Variants in TXNL1 observed in about 807,000 individuals in gnomAD.
TXNL1 encodes the protein thioredoxin like 1, also known as thioredoxin-like protein 1.
TXNL1 carries 14 observed loss-of-function variants against 35.5 expected under a neutral mutation model. The observed-to-expected ratio is 0.39, with a 90% CI of 0.26 to 0.62. The LOEUF is 0.62. Ranked by LOEUF, TXNL1 falls within the 20% of genes least tolerant of loss-of-function variation. TXNL1 has a pLI of 0.47. For synonymous variants in TXNL1, 110 were observed against 115.5 expected (o/e 0.95, Z 0.31); for missense variants, 263 against 349.7 (o/e 0.75, Z 1.98).
Position 56,626,424 on chromosome 18 carries a change from G to A in TXNL1, c.132C>T (p.Phe44=), listed in dbSNP as rs772231229. The A allele has an allele frequency of 2.5e-6, 4 of 1,613,270 alleles. No individual in the cohort carries two copies. The African/African-American group carries it at 5.3e-5, about 22-fold the overall frequency. The change falls in exon 2 of 8, where the codon TTC becomes TTT. Residue 44 remains phenylalanine (F), a synonymous_variant. Transcript: ENST00000217515. ...CGPCLRIAPA[F]SSMSNKYPQA... ...GTGGATATTTATTACTCATAGAACT[G>A]AATGCTGGGGCAATCCTCAAACATG...
At chr18:56,620,062 G>T (rs1266393705) in intron 3 of TXNL1, among the ~76,000 whole-genome samples, 1 of 152,004 alleles carries the variant, frequency 6.6e-6, no homozygotes, top group Non-Finnish European at 1.5e-5. Flanking sequence ...TCCACCTCCC[G>T]GGTTCAAGTG....
At chr18:56,620,682 T>C (rs143389830) in intron 3 of TXNL1, among the ~76,000 whole-genome samples, 80 of 152,366 alleles carry the variant, frequency 5.3e-4, no homozygotes, top group African/African-American at 1.8e-3. Context: ...CCAAGTATTA[T>C]AGATGAGTCA....
chr18:56,626,306 G>C lies in TXNL1; in HGVS notation c.195+55C>G, dbSNP rs768106652. 23 of 1,568,032 alleles carry C rather than the reference G, an allele frequency of 1.5e-5. No individual in the cohort carries two copies. The Admixed American group carries it at 3.4e-4, about 23-fold the overall frequency. ...AGATAAATGAAGAATATTAATGTTGGATTTCAAATTTATTCAAAAGTAAAT... is the reference window on the plus strand; with the variant it reads ...AGATAAATGAAGAATATTAATGTTGCATTTCAAATTTATTCAAAAGTAAAT... On this transcript the variant is annotated intron_variant, in intron 2 of 7. Transcript: ENST00000217515.
At chr18:56,625,087 A>AGTAT (rs2024254469) in intron 2 of TXNL1, among the ~76,000 whole-genome samples, 1 of 152,138 alleles carries the variant, frequency 6.6e-6, no homozygotes, top group South Asian at 2.1e-4. Flanking sequence ...GCTTTTCATG[A>AGTAT]CAAGTATAAA....
chr18:56,637,089 G>C (rs1270127921), intron 1 of TXNL1, among the ~76,000 whole-genome samples: 1 of 152,174 alleles, frequency 6.6e-6, no homozygotes, highest in African/African-American at 2.4e-5. Context: ...CCCACCATAT[G>C]AAATGCAAGG....
Position 56,602,909 on chromosome 18 carries a change from G to T in TXNL1, c.*118C>A. 1 of 1,093,400 alleles carries T rather than the reference G, an allele frequency of 9.1e-7. No individual in the cohort carries two copies. The highest frequency in any genetic ancestry group is 1.4e-6 in the Non-Finnish European group (1 of 720,444). The allele number at this position is 1,093,400 out of a possible 1,614,324, so 67.7% of individuals were successfully genotyped here. ...CACTAGTGATACCATCTGAACAAAA[G>T]CAATGATTTATTGGTAATGGCAATG... On this transcript the variant is annotated 3_prime_UTR_variant, in exon 8 of 8. Coordinates refer to ENST00000217515, the MANE Select transcript of TXNL1 (RefSeq NM_004786.3).
At chr18:56,616,561 T>C (rs1174578036) in intron 4 of TXNL1, among the ~76,000 whole-genome samples, 1 of 152,186 alleles carries the variant, frequency 6.6e-6, no homozygotes, top group African/African-American at 2.4e-5. Flanking sequence ...ACTAAAACTA[T>C]GCATAGGAAT....
chr18:56,624,588 G>A (rs1568106377), intron 2 of TXNL1, 127 bp from the exon 3 acceptor site: 3 of 1,088,238 alleles, frequency 2.8e-6, no homozygotes, highest in African/African-American at 1.6e-5. Flanking sequence ...CTGCATTTTT[G>A]TTATTTAAGG....
intron 7 of TXNL1, 49 bp from the exon 8 acceptor site, chr18:56,603,105 A>G (rs2144271658): frequency 6.8e-7 from 1 of 1,474,470 alleles, no homozygotes; most frequent in East Asian, 2.3e-5. Flanking sequence ...GATTTTAAAT[A>G]TGAGTTATTA....
intron 5 of TXNL1, among the ~76,000 whole-genome samples, chr18:56,614,831 G>C (rs1381058536): frequency 2.0e-5 from 3 of 152,028 alleles, no homozygotes; most frequent in Non-Finnish European, 4.4e-5. Context: ...TAAATATTAG[G>C]AATATAAGAT....
chr18:56,602,712 ACTGGCTTTCAATC>A lies in TXNL1; in HGVS notation c.*302_*314del. 1 of 402,682 alleles carries A rather than the reference ACTGGCTTTCAATC, an allele frequency of 2.5e-6. No homozygotes were observed. Among genetic ancestry groups the A allele is most frequent in the Non-Finnish European group, 4.4e-6 (1 of 226,128 alleles). The allele number at this position is 402,682 out of a possible 1,614,324, so 24.9% of individuals were successfully genotyped here. A position where few individuals can be genotyped will look rare whatever the true frequency, so the allele number is the denominator to read the frequency against. ...GAACAGTTTCTCCTTTTCTAAAGAA[ACTGGCTTTCAATC>A]AATATACTACCAGACACTTAAGTCT... On this transcript the variant is annotated 3_prime_UTR_variant, in exon 8 of 8. Coordinates refer to ENST00000217515, the MANE Select transcript of TXNL1 (RefSeq NM_004786.3).
chr18:56,602,960 A>G lies in TXNL1; in HGVS notation c.*67T>C. Reference sequence around the variant, plus strand: ...AATGAAACATTGACAGTCTCTGGCGAGAATCAAGCAATTATCCAGGAGCTG... The same window carrying G: ...AATGAAACATTGACAGTCTCTGGCGGGAATCAAGCAATTATCCAGGAGCTG... On this transcript the variant is annotated 3_prime_UTR_variant, in exon 8 of 8. Transcript: ENST00000217515. The G allele has an allele frequency of 2.6e-6, 4 of 1,517,150 alleles. No homozygotes were observed. Among genetic ancestry groups the G allele is most frequent in the Non-Finnish European group, 3.7e-6 (4 of 1,092,558 alleles). 94.0% of individuals were successfully genotyped at this position (1,517,150 alleles called of 1,614,324 possible).
chr18:56,626,370 A>T lies in TXNL1; in HGVS notation c.186T>A (p.His62Gln). 6.2e-7 allele frequency: 1 copy of T among 1,612,300 alleles called. No individual in the cohort carries two copies. The highest frequency in any genetic ancestry group is 8.5e-7 in the Non-Finnish European group (1 of 1,179,460). The change falls in exon 2 of 8, where the codon CAT becomes CAA. Residue 62 changes from histidine (H) to glutamine (Q), a missense_variant. Physicochemically the swap from His to Gln is conservative, Grantham distance 24. Coordinates refer to ENST00000217515, the MANE Select transcript of TXNL1 (RefSeq NM_004786.3). ...GATTCCTTTCCCTTACCTGACACTG[A>T]TGTACATCGACTTCCAAGAAAACAG... ...PQAVFLEVDV[H>Q]QCQGTAATNN... is the part of the protein sequence containing the mutation.
At chr18:56,616,380 G>A in intron 4 of TXNL1, 66 bp from the exon 5 acceptor site, 1 of 1,380,290 alleles carries the variant, frequency 7.2e-7, no homozygotes, top group Non-Finnish European at 1.0e-6. Context: ...AACTACTGAA[G>A]CAGAATGAAA....
chr18:56,621,457 G>C (rs2024183770), intron 3 of TXNL1, among the ~76,000 whole-genome samples: 2 of 152,140 alleles, frequency 1.3e-5, no homozygotes, highest in Admixed American at 6.5e-5. Flanking sequence ...GCCTCCCAAA[G>C]TGCTGGGATT....
At chr18:56,620,546 T>C (rs1346106648) in intron 3 of TXNL1, among the ~76,000 whole-genome samples, 1 of 152,220 alleles carries the variant, frequency 6.6e-6, no homozygotes, top group East Asian at 1.9e-4. Context: ...TACTATTTCT[T>C]CTATTTCTCT....
At position 56,616,284 on chromosome 18, in the gene TXNL1, C is replaced by T; in HGVS notation, c.523G>A (p.Val175Ile). The T allele has an allele frequency of 1.2e-6, 2 of 1,613,654 alleles. No individual in the cohort carries two copies. The highest frequency in any genetic ancestry group is 1.7e-6 in the Non-Finnish European group (2 of 1,179,878). Reference sequence around the variant, plus strand: ...TGAAATTTCATGGAATAAAGCTTAACAGGTTGATTGAATGCCACAGTAATA... The same window carrying T: ...TGAAATTTCATGGAATAAAGCTTAATAGGTTGATTGAATGCCACAGTAATA... Reference protein sequence around the residue: ...LLITVAFNQPVKLYSMKFQGP... With the variant: ...LLITVAFNQPIKLYSMKFQGP... Residue 175 changes from valine to isoleucine, a missense_variant, in exon 5 of 8, where the codon GTT becomes ATT. Coordinates refer to ENST00000217515, the MANE Select transcript of TXNL1 (RefSeq NM_004786.3).
Position 56,603,073 on chromosome 18 carries a change from A to C in TXNL1, c.841-17T>G, listed in dbSNP as rs759924695. The C allele has an allele frequency of 2.5e-6, 4 of 1,605,756 alleles. No homozygotes were observed. The South Asian group carries it at 4.4e-5, about 18-fold the overall frequency. ...GCCAACTACCTAGAAAAACAAAAAT[A>C]AGTTTATATGTACATCCTATTGATT... On this transcript the variant is annotated splice_polypyrimidine_tract_variant and intron_variant, in intron 7 of 7. Transcript: ENST00000217515.
At chr18:56,623,232 A>G (rs2144316522) in intron 3 of TXNL1, among the ~76,000 whole-genome samples, 1 of 152,356 alleles carries the variant, frequency 6.6e-6, no homozygotes, top group Non-Finnish European at 1.5e-5. Context: ...GTTCGAGACC[A>G]GCCTGGCCAA....
Sources: gnomAD v4.1 joint callset for allele counts (sites outside exome capture counted in the v4.1 genomes callset) on GRCh38, gnomAD v4.1.1 for gene constraint, MANE v1.5 for transcripts, NCBI Gene and HGNC (gene_info 2026-07-23, HGNC 2026-07-21) for gene names.